Variants in STIMATE observed in about 807,000 individuals in gnomAD.
STIMATE encodes the protein STIM activating enhancer, also known as store-operated calcium entry regulator STIMATE.
In STIMATE, 15 loss-of-function variants were observed where a neutral mutation model predicts 36.7. That is an observed-to-expected ratio of 0.41 (90% CI 0.27 to 0.63). The LOEUF (loss-of-function observed/expected upper bound fraction) is 0.63. STIMATE is among the 20% of genes least tolerant of loss of function. STIMATE has a pLI of 0.32. For synonymous variants in STIMATE, 163 were observed against 162.3 expected, an observed-to-expected ratio of 1.00 and a Z score of -0.03; for missense variants, 305 against 397.3, an observed-to-expected ratio of 0.77 and a Z score of 1.98.
At chr3:52,847,376 A>C in intron 4 of STIMATE, 1 of 1,254,216 alleles carries the variant, frequency 8.0e-7, no homozygotes, top group Admixed American at 2.6e-5. Context: ...AGGGATGGGC[A>C]GCAAGACCCA....
chr3:52,881,356 T>C (rs1701599377), intron 1 of STIMATE, among the ~76,000 whole-genome samples: 1 of 152,106 alleles, frequency 6.6e-6, no homozygotes, highest in Non-Finnish European at 1.5e-5. Flanking sequence ...AGTAGCTAAC[T>C]CCTACTCTGG....
chr3:52,866,652 C>T (rs1158104383), intron 1 of STIMATE, among the ~76,000 whole-genome samples: 1 of 152,262 alleles, frequency 6.6e-6, no homozygotes. Context: ...CCACACGCCA[C>T]TCTCACTTGG....
At chr3:52,872,908 G>A (rs1701431036) in intron 1 of STIMATE, among the ~76,000 whole-genome samples, 1 of 152,224 alleles carries the variant, frequency 6.6e-6, no homozygotes, top group Non-Finnish European at 1.5e-5. Flanking sequence ...CTACAGGTGT[G>A]AGCCACCACG....
intron 1 of STIMATE, among the ~76,000 whole-genome samples, chr3:52,864,442 C>T (rs910950883): frequency 2.6e-5 from 4 of 152,146 alleles, no homozygotes; most frequent in Non-Finnish European, 4.4e-5. Context: ...ACCTGACCCA[C>T]GAAACCATTT....
chr3:52,859,369 CTA>C (rs1386114652), intron 1 of STIMATE, among the ~76,000 whole-genome samples: 3 of 148,676 alleles, frequency 2.0e-5, no homozygotes, highest in Non-Finnish European at 4.5e-5. Flanking sequence ...ACATAAGTGA[CTA>C]TTAACAAAGG....
intron 1 of STIMATE, among the ~76,000 whole-genome samples, chr3:52,877,828 G>A (rs1701526808): frequency 6.6e-6 from 1 of 152,168 alleles, no homozygotes; most frequent in Non-Finnish European, 1.5e-5. Flanking sequence ...GGGTGTGGTG[G>A]CTCACGCCTG....
rs778217455 is a variant in STIMATE at position 52,894,211 on chromosome 3, C to G, written c.160+3080G>C. Among the ~76,000 whole-genome samples the G allele has an allele frequency of 2.0e-5, 3 of 152,194 alleles. No homozygotes were observed. The South Asian group carries it at 6.2e-4, about 31-fold the overall frequency. ...GTGGAAAGTATCTTCATAAGCTTGT[C>G]TCTGAGTATGTTCATCTTTCCTTGC... On this transcript the variant is annotated intron_variant, in intron 1 of 7. Coordinates refer to ENST00000355083, the MANE Select transcript of STIMATE (RefSeq NM_198563.5).
chr3:52,892,134 C>T (rs76643052), intron 1 of STIMATE, among the ~76,000 whole-genome samples: 1,850 of 152,292 alleles, frequency 0.012, 38 homozygotes, highest in African/African-American at 0.042. Flanking sequence ...AATATACTAA[C>T]TGCAAAAGAC....
At chr3:52,867,481 A>G (rs1459389020) in intron 1 of STIMATE, among the ~76,000 whole-genome samples, 1 of 152,208 alleles carries the variant, frequency 6.6e-6, no homozygotes, top group Non-Finnish European at 1.5e-5. Flanking sequence ...ATAAGCCTGT[A>G]TGCTTTCTTG....
chr3:52,877,442 G>C (rs1472662165), intron 1 of STIMATE, among the ~76,000 whole-genome samples: 1 of 152,196 alleles, frequency 6.6e-6, no homozygotes, highest in Non-Finnish European at 1.5e-5. Context: ...ATAAGTAAAT[G>C]TGTGCCATGG....
intron 1 of STIMATE, among the ~76,000 whole-genome samples, chr3:52,877,202 C>G (rs1489990399): frequency 6.6e-6 from 1 of 152,214 alleles, no homozygotes; most frequent in Admixed American, 6.5e-5. Flanking sequence ...TCTGCCAGAC[C>G]AGCCTGAAGC....
chr3:52,895,611 C>A (rs552385446), intron 1 of STIMATE, among the ~76,000 whole-genome samples: 1 of 152,224 alleles, frequency 6.6e-6, no homozygotes, highest in African/African-American at 2.4e-5. Flanking sequence ...GAAGACTCCA[C>A]TCAGAACACA....
At chr3:52,840,697 C>T (rs1200518760) in intron 7 of STIMATE, 87 bp from the exon 8 acceptor site, 3 of 1,004,724 alleles carry the variant, frequency 3.0e-6, no homozygotes, top group Non-Finnish European at 4.2e-6. Flanking sequence ...CTTCAAGTCT[C>T]ATGTTTTTTT....
At chr3:52,866,680 C>A (rs11707829) in intron 1 of STIMATE, among the ~76,000 whole-genome samples, 1 of 152,192 alleles carries the variant, frequency 6.6e-6, no homozygotes, top group Admixed American at 6.5e-5. Flanking sequence ...AGGGCGGGGA[C>A]CAGGCACCCA....
chr3:52,889,694 T>C (rs184201429), intron 1 of STIMATE, among the ~76,000 whole-genome samples: 15 of 152,292 alleles, frequency 9.8e-5, no homozygotes, highest in African/African-American at 3.4e-4. Context: ...ACCAAGAGGA[T>C]GGGGGCCAGG....
chr3:52,868,270 G>A lies in STIMATE; in HGVS notation c.161-12826C>T, dbSNP rs567747310. On this transcript the variant is annotated intron_variant, in intron 1 of 7. Coordinates refer to ENST00000355083, the MANE Select transcript of STIMATE (RefSeq NM_198563.5). The stretch of plus-strand genomic sequence containing the variant: ...CTTCCTTGCTAAGAGAAGCCCCTTG[G>A]TCAGGCAACTTAAAGACTATATTTC... Among the ~76,000 whole-genome samples, 25 of 152,274 alleles carry A rather than the reference G, an allele frequency of 1.6e-4. No individual in the cohort carries two copies. The South Asian group carries it at 5.2e-3, about 32-fold the overall frequency.
chr3:52,885,494 A>G (rs577690900), intron 1 of STIMATE, among the ~76,000 whole-genome samples: 1 of 152,360 alleles, frequency 6.6e-6, no homozygotes, highest in Non-Finnish European at 1.5e-5. Flanking sequence ...CAGGTGTTCA[A>G]CAACGTCTCT....
chr3:52,857,332 C>T (rs1701123535), intron 1 of STIMATE, among the ~76,000 whole-genome samples: 1 of 152,140 alleles, frequency 6.6e-6, no homozygotes, highest in African/African-American at 2.4e-5. Flanking sequence ...GGAGTTGAGG[C>T]CAAGAGGTTC....
rs112476101 is a variant in STIMATE at position 52,861,849 on chromosome 3, A to G, written c.161-6405T>C. ...AGGGGCCCAATCCTAGGAGGCTTCT[A>G]TGATTCTCCAATCCTGCTCACCTCC... On this transcript the variant is annotated intron_variant, in intron 1 of 7. Transcript: ENST00000355083. 3.5e-3 allele frequency among the ~76,000 whole-genome samples: 539 copies of G among 152,260 alleles called. 2 individuals are homozygous for G. The highest frequency in any genetic ancestry group is 0.011 in the African/African-American group (461 of 41,550).
Sources: gnomAD v4.1 joint callset for allele counts (sites outside exome capture counted in the v4.1 genomes callset) on GRCh38, gnomAD v4.1.1 for gene constraint, MANE v1.5 for transcripts, NCBI Gene and HGNC (gene_info 2026-07-23, HGNC 2026-07-21) for gene names.